LRBA: variants seen among roughly 807,000 people sequenced by gnomAD.
The protein encoded by LRBA is LPS responsive beige-like anchor protein.
Under a neutral mutation model 330.0 loss-of-function variants are expected in LRBA, and 176 were observed. That is an observed-to-expected ratio of 0.53 (90% CI 0.47 to 0.60). The LOEUF (loss-of-function observed/expected upper bound fraction) is 0.60. Ranked by LOEUF, LRBA falls within the 20% of genes least tolerant of loss-of-function variation. The pLI, the probability that LRBA is intolerant of heterozygous loss-of-function variation, is 0.00. For missense variants in LRBA, 3,259 were observed against 3,444.8 expected, an observed-to-expected ratio of 0.95 and a Z score of 1.35; for synonymous variants, 1,230 against 1,193.0, an observed-to-expected ratio of 1.03 and a Z score of -0.64.
At chr4:150,905,812 A>T in intron 13 of LRBA, 26 bp downstream of exon 13, 1 of 1,543,944 alleles carries the variant, frequency 6.5e-7, no homozygotes, top group Non-Finnish European at 8.8e-7. Flanking sequence ...ATAGTAAAAC[A>T]ATATCAATAT....
intron 40 of LRBA, among the ~76,000 whole-genome samples, chr4:150,538,976 T>C (rs2152219200): frequency 6.6e-6 from 1 of 151,842 alleles, no homozygotes; most frequent in East Asian, 1.9e-4. Context: ...TAAAAACCTT[T>C]AACTTTTTTT....
chr4:150,818,528 ATGTC>A (rs1004616189), intron 30 of LRBA, among the ~76,000 whole-genome samples: 14 of 93,432 alleles, frequency 1.5e-4, no homozygotes, highest in African/African-American at 5.3e-4. Context: ...GATATGACGA[ATGTC>A]TGTGTGTGTG....
intron 5 of LRBA, 39 bp from the exon 6 acceptor site, chr4:150,916,777 A>T (rs766315560): frequency 1.4e-5 from 21 of 1,477,586 alleles, no homozygotes; most frequent in Non-Finnish European, 1.8e-5. Flanking sequence ...CTCACGTGAA[A>T]ACCTGTCTTA....
At chr4:150,361,131 A>G (rs1213150396) in intron 47 of LRBA, among the ~76,000 whole-genome samples, 1 of 152,174 alleles carries the variant, frequency 6.6e-6, no homozygotes, top group Non-Finnish European at 1.5e-5. Context: ...AACTCATAAA[A>G]GACACTTCAT....
At chr4:150,374,138 C>T (rs1400274681) in intron 47 of LRBA, among the ~76,000 whole-genome samples, 1 of 152,144 alleles carries the variant, frequency 6.6e-6, no homozygotes, top group African/African-American at 2.4e-5. Flanking sequence ...TGAAAACTTC[C>T]AATACTCTCC....
intron 47 of LRBA, among the ~76,000 whole-genome samples, chr4:150,391,476 C>T (rs538330929): frequency 6.6e-6 from 1 of 152,162 alleles, no homozygotes; most frequent in East Asian, 1.9e-4. Flanking sequence ...GATGGAAGCC[C>T]TAAAAGATCA....
At chr4:150,347,271 G>C (rs748501099) in intron 48 of LRBA, among the ~76,000 whole-genome samples, 1 of 152,180 alleles carries the variant, frequency 6.6e-6, no homozygotes, top group Non-Finnish European at 1.5e-5. Flanking sequence ...TTGGGAAGAT[G>C]AAACATTTCT....
intron 40 of LRBA, among the ~76,000 whole-genome samples, chr4:150,497,519 T>C (rs1205713331): frequency 6.6e-6 from 1 of 152,152 alleles, no homozygotes; most frequent in East Asian, 1.9e-4. Flanking sequence ...TAATCATGTG[T>C]TGTTATTTAA....
intron 35 of LRBA, among the ~76,000 whole-genome samples, chr4:150,739,769 C>A (rs1254507733): frequency 6.6e-6 from 1 of 152,156 alleles, no homozygotes; most frequent in Non-Finnish European, 1.5e-5. Flanking sequence ...AGTAGAGCCC[C>A]AGACAACAGC....
intron 37 of LRBA, among the ~76,000 whole-genome samples, chr4:150,676,540 A>G (rs924991780): frequency 1.3e-5 from 2 of 152,240 alleles, no homozygotes; most frequent in African/African-American, 4.8e-5. Context: ...ATCAGCTATT[A>G]TAACAGCCTA....
At chr4:150,439,925 G>A (rs1561180129) in intron 44 of LRBA, among the ~76,000 whole-genome samples, 1 of 152,146 alleles carries the variant, frequency 6.6e-6, no homozygotes, top group Non-Finnish European at 1.5e-5. Flanking sequence ...GCAAGAGTCA[G>A]TCATATACCA....
At chr4:150,508,244 G>T (rs995611587) in intron 40 of LRBA, among the ~76,000 whole-genome samples, 1 of 58,344 alleles carries the variant, frequency 1.7e-5, no homozygotes, top group African/African-American at 3.9e-5. Context: ...AAAAAAAGGG[G>T]GGGGGGGGGA....
At chr4:150,780,667 G>A (rs1181733438) in intron 34 of LRBA, among the ~76,000 whole-genome samples, 359 of 10,266 alleles carry the variant, frequency 0.035, 2 homozygotes, top group African/African-American at 0.071. Context: ...ATACGTGTGT[G>A]TGTGTATATA....
chr4:150,798,123 C>G lies in LRBA; in HGVS notation c.5538G>C (p.Ser1846=), dbSNP rs1177930043. The part of the protein sequence containing the change: ...IEGTSLVCMK[S]SSSVVELVML... ...TAACCAATTCCACAACTGAACTACT[C>G]GACTTCATGCAAACCAGACCTATTT... Residue 1846 remains serine, a synonymous_variant, in exon 34 of 57, where the codon TCG becomes TCC. Coordinates refer to ENST00000651943, the MANE Select transcript of LRBA (RefSeq NM_001364905.1). The G allele has an allele frequency of 1.9e-6, 3 of 1,606,846 alleles. No homozygotes were observed. In the South Asian group the frequency reaches 3.3e-5, roughly 18 times the overall value.
At chr4:150,323,315 C>T (rs56198556) in intron 49 of LRBA, among the ~76,000 whole-genome samples, 26,474 of 151,880 alleles carry the variant, frequency 0.17, 2,777 homozygotes, top group East Asian at 0.26. Context: ...ATAATATTTA[C>T]GAAAGTCAAT....
intron 2 of LRBA, among the ~76,000 whole-genome samples, chr4:150,972,545 T>C (rs1387850207): frequency 2.0e-5 from 3 of 152,164 alleles, no homozygotes; most frequent in East Asian, 1.9e-4. Flanking sequence ...CAAAATACCA[T>C]ATGTACCCCA....
intron 36 of LRBA, among the ~76,000 whole-genome samples, chr4:150,720,458 CA>C: frequency 6.6e-6 from 1 of 151,862 alleles, no homozygotes; most frequent in African/African-American, 2.4e-5. Flanking sequence ...AGGAACAAAA[CA>C]TAAGCTTTAT....
intron 53 of LRBA, among the ~76,000 whole-genome samples, chr4:150,294,585 TA>T (rs1351581350): frequency 6.6e-6 from 1 of 152,210 alleles, no homozygotes; most frequent in Non-Finnish European, 1.5e-5. Context: ...CTGTGAAGAT[TA>T]ATGAGTTAAT....
At chr4:150,534,459 C>T (rs774801562) in intron 40 of LRBA, among the ~76,000 whole-genome samples, 4 of 151,378 alleles carry the variant, frequency 2.6e-5, no homozygotes, top group East Asian at 3.9e-4. Flanking sequence ...ATGATTTACA[C>T]GTTTTGCTTT....
Sources: allele counts gnomAD v4.1 joint callset (sites outside exome capture counted in the v4.1 genomes callset), GRCh38; gene constraint gnomAD v4.1.1; transcripts MANE v1.5; gene names NCBI Gene and HGNC (gene_info 2026-07-23, HGNC 2026-07-21).